Variants in ANKRD45 observed in about 807,000 individuals in gnomAD.
The protein encoded by ANKRD45 is ankyrin repeat domain-containing protein 45.
Under a neutral mutation model 28.1 loss-of-function variants are expected in ANKRD45, and 21 were observed. The observed-to-expected ratio is 0.75, with a 90% CI of 0.53 to 1.08. ANKRD45 has a LOEUF of 1.08. Among genes scored for constraint, ANKRD45 ranks in the 50% least tolerant of loss-of-function variants. ANKRD45 has a pLI of 0.00. For synonymous variants in ANKRD45, 86 were observed against 103.9 expected (o/e 0.83, Z 1.05); for missense variants, 261 against 308.7 (o/e 0.85, Z 1.16).
At chr1:173,650,489 T>C (rs1174525769) in intron 2 of ANKRD45, among the ~76,000 whole-genome samples, 2 of 152,240 alleles carry the variant, frequency 1.3e-5, no homozygotes, top group Non-Finnish European at 2.9e-5. Context: ...ATTTTCATAA[T>C]CCAGTCTATC....
At chr1:173,640,321 C>T (rs1381886342) in intron 3 of ANKRD45, among the ~76,000 whole-genome samples, 1 of 152,040 alleles carries the variant, frequency 6.6e-6, no homozygotes, top group African/African-American at 2.4e-5. Context: ...CCAGGGACCA[C>T]CTTCTCATCA....
intron 3 of ANKRD45, among the ~76,000 whole-genome samples, chr1:173,629,147 T>C (rs1668074604): frequency 6.6e-6 from 1 of 152,136 alleles, no homozygotes; most frequent in Non-Finnish European, 1.5e-5. Context: ...TCCAAGTCCC[T>C]TCAAATACGT....
Position 173,611,718 on chromosome 1 carries a change from CTTGG to C in ANKRD45, c.731-1507_731-1504del, listed in dbSNP as rs1667166748. 2.0e-5 allele frequency among the ~76,000 whole-genome samples: 3 copies of C among 152,020 alleles called. No homozygotes were observed. The South Asian group carries it at 6.2e-4, about 32-fold the overall frequency. On this transcript the variant is annotated intron_variant, in intron 5 of 5. Transcript: ENST00000333279. ...AAACATAGAATTAAATCTTGGTGAC[CTTGG>C]ATTGGCAATGGTTTCTTAGGTATGA...
At chr1:173,690,050 T>A in the ANKRD45 span, among the ~76,000 whole-genome samples, 2 of 92,546 alleles carry the variant, frequency 2.2e-5, no homozygotes, top group African/African-American at 4.4e-5. Flanking sequence ...ACAAAGCCAA[T>A]GCCTGCCCCC....
chr1:173,621,784 A>C (rs900940706), intron 5 of ANKRD45, among the ~76,000 whole-genome samples: 1 of 152,202 alleles, frequency 6.6e-6, no homozygotes, highest in African/African-American at 2.4e-5. Context: ...CCTATTCGAC[A>C]TAGTATTGGA....
chr1:173,652,307 G>T (rs1448647154), intron 2 of ANKRD45, among the ~76,000 whole-genome samples: 5 of 152,104 alleles, frequency 3.3e-5, no homozygotes, highest in African/African-American at 7.2e-5. Flanking sequence ...CAGCATGAAG[G>T]TCTGTTGAAT....
At chr1:173,688,338 T>C in the ANKRD45 span, among the ~76,000 whole-genome samples, 1,475 of 103,320 alleles carry the variant, frequency 0.014, 42 homozygotes, top group African/African-American at 0.043. Context: ...GACTCCCTCT[T>C]TCTCTCTCTG....
intron 5 of ANKRD45, among the ~76,000 whole-genome samples, chr1:173,619,682 G>T (rs1199953764): frequency 6.6e-6 from 1 of 152,028 alleles, no homozygotes; most frequent in African/African-American, 2.4e-5. Context: ...ACAAAAATTA[G>T]CCAGGTGTGG....
At chr1:173,672,507 T>C (rs1010208975), upstream of ANKRD45, among the ~76,000 whole-genome samples, 6 of 152,328 alleles carry the variant, frequency 3.9e-5, no homozygotes, top group African/African-American at 9.6e-5. Context: ...AATTCCCAAA[T>C]AGAACTGTTT....
intron 5 of ANKRD45, among the ~76,000 whole-genome samples, chr1:173,624,142 A>AT (rs1313015159): frequency 2.6e-5 from 4 of 152,106 alleles, no homozygotes; most frequent in Admixed American, 2.0e-4. Context: ...AAATATAAAT[A>AT]AAATAAAATG....
chr1:173,696,252 C>T, the ANKRD45 span, among the ~76,000 whole-genome samples: 32 of 152,210 alleles, frequency 2.1e-4, no homozygotes, highest in Middle Eastern at 3.4e-3. Flanking sequence ...AGAAAAGAAC[C>T]GACGTGAAAT....
chr1:173,667,621 A>G, intron 1 of ANKRD45: 1 of 312,394 alleles, frequency 3.2e-6, no homozygotes, highest in Non-Finnish European at 6.2e-6. Flanking sequence ...CAGGAGAATC[A>G]CTGGAACCCA....
chr1:173,627,952 G>A (rs373735322), intron 3 of ANKRD45, among the ~76,000 whole-genome samples: 2 of 149,782 alleles, frequency 1.3e-5, no homozygotes, highest in Admixed American at 6.7e-5. Flanking sequence ...AGTAGAACAC[G>A]GCACCAAGCA....
chr1:173,696,846 G>C, the ANKRD45 span, among the ~76,000 whole-genome samples: 1 of 152,050 alleles, frequency 6.6e-6, no homozygotes, highest in Admixed American at 6.6e-5. Context: ...GGCTTCAGAA[G>C]GTCGGTAATA....
At chr1:173,695,600 T>A in the ANKRD45 span, among the ~76,000 whole-genome samples, 1 of 152,202 alleles carries the variant, frequency 6.6e-6, no homozygotes, top group Non-Finnish European at 1.5e-5. Context: ...ATCCAATCCA[T>A]CAATGATGGG....
the ANKRD45 span, among the ~76,000 whole-genome samples, chr1:173,682,972 C>T: frequency 6.6e-6 from 1 of 151,348 alleles, no homozygotes; most frequent in African/African-American, 2.4e-5. Context: ...CATTTTTCTC[C>T]CCTCACCACA....
At chr1:173,650,534 C>T (rs1313568330) in intron 2 of ANKRD45, among the ~76,000 whole-genome samples, 1 of 152,156 alleles carries the variant, frequency 6.6e-6, no homozygotes, top group South Asian at 2.1e-4. Context: ...CAAGTCTTTG[C>T]TATTGTGAAT....
intron 3 of ANKRD45, among the ~76,000 whole-genome samples, chr1:173,640,675 T>A (rs373153504): frequency 9.8e-5 from 15 of 152,324 alleles, no homozygotes; most frequent in African/African-American, 3.6e-4. Context: ...GAAAGATCAA[T>A]GACAGCTAGC....
intron 1 of ANKRD45, among the ~76,000 whole-genome samples, chr1:173,667,502 G>A (rs1444795287): frequency 6.6e-6 from 1 of 152,004 alleles, no homozygotes; most frequent in African/African-American, 2.4e-5. Flanking sequence ...AGGAGTTCAA[G>A]ACCAGCCTGG....
Sources: gnomAD v4.1 joint callset for allele counts (sites outside exome capture counted in the v4.1 genomes callset) on GRCh38, gnomAD v4.1.1 for gene constraint, MANE v1.5 for transcripts, NCBI Gene and HGNC (gene_info 2026-07-23, HGNC 2026-07-21) for gene names.